NOS1AP: variants seen among roughly 807,000 people sequenced by gnomAD.
NOS1AP encodes the protein nitric oxide synthase 1 adaptor protein, also known as carboxyl-terminal PDZ ligand of neuronal nitric oxide synthase protein.
NOS1AP carries 21 observed loss-of-function variants against 56.2 expected under a neutral mutation model. The ratio of observed to expected loss-of-function variants is 0.37; its 90% CI spans 0.26 to 0.54. NOS1AP has a LOEUF of 0.54. NOS1AP is among the 20% of genes least tolerant of loss of function. The pLI, the probability that NOS1AP is intolerant of heterozygous loss-of-function variation, is 0.84. For synonymous variants in NOS1AP, 270 were observed against 274.6 expected (o/e 0.98, Z 0.17); for missense variants, 522 against 657.8 (o/e 0.79, Z 2.26).
At chr1:162,304,667 G>A (rs150625230) in intron 4 of NOS1AP, among the ~76,000 whole-genome samples, 149 of 152,100 alleles carry the variant, frequency 9.8e-4, no homozygotes, top group Middle Eastern at 6.8e-3. Context: ...TTAGCAACTT[G>A]TGTTTAAAAA....
intron 2 of NOS1AP, among the ~76,000 whole-genome samples, chr1:162,216,760 T>C (rs4531275): frequency 0.58 from 88,319 of 152,094 alleles, 26,453 homozygotes; most frequent in Non-Finnish European, 0.68. Context: ...GACTGTGGAA[T>C]CAGGCAGCCT....
chr1:162,180,583 G>T (rs1477008453), intron 2 of NOS1AP, among the ~76,000 whole-genome samples: 1 of 152,164 alleles, frequency 6.6e-6, no homozygotes, highest in Non-Finnish European at 1.5e-5. Flanking sequence ...TAGCAGCCTG[G>T]AGCGGGACCT....
intron 2 of NOS1AP, among the ~76,000 whole-genome samples, chr1:162,217,159 A>G (rs544905697): frequency 3.6e-4 from 55 of 152,038 alleles, no homozygotes; most frequent in Non-Finnish European, 6.3e-4. Context: ...GCTTAGGCTC[A>G]GGGAAACAAG....
chr1:162,291,465 T>C (rs1231952507), intron 3 of NOS1AP, among the ~76,000 whole-genome samples: 4 of 152,124 alleles, frequency 2.6e-5, no homozygotes, highest in African/African-American at 9.7e-5. Context: ...CCTCTTTTTC[T>C]TCCTGTCAAT....
rs572084373 is a variant in NOS1AP, at chr1:162,310,872, T to A, written c.344+10166T>A. 6.1e-5 allele frequency among the ~76,000 whole-genome samples: 8 copies of A among 131,590 alleles called. No homozygotes were observed. The South Asian group carries it at 1.9e-3, about 31-fold the overall frequency. The allele number at this position is 131,590 out of a possible 152,430, so 86.3% of individuals were successfully genotyped here. The stretch of plus-strand genomic sequence containing the variant: ...AGAATATCTTAGTGTCACTGCCAAC[T>A]GTCTCTCTGTTCGCTGACTCTCTCT... On this transcript the variant is annotated intron_variant, in intron 4 of 9. Transcript: ENST00000361897.
At chr1:162,201,151 A>G (rs1651978246) in intron 2 of NOS1AP, among the ~76,000 whole-genome samples, 1 of 152,148 alleles carries the variant, frequency 6.6e-6, no homozygotes, top group African/African-American at 2.4e-5. Flanking sequence ...AAGTGAGAAC[A>G]TGTGATATTT....
intron 2 of NOS1AP, among the ~76,000 whole-genome samples, chr1:162,263,217 A>T (rs959578411): frequency 6.6e-6 from 1 of 152,236 alleles, no homozygotes; most frequent in Non-Finnish European, 1.5e-5. Flanking sequence ...ACAGAATACT[A>T]TAGACTGGGC....
At chr1:162,190,525 ATATCT>A (rs1399953240) in intron 2 of NOS1AP, among the ~76,000 whole-genome samples, 2 of 152,174 alleles carry the variant, frequency 1.3e-5, no homozygotes, top group African/African-American at 2.4e-5. Flanking sequence ...GTATATAATG[ATATCT>A]TAATACATAG....
chr1:162,141,681 C>T (rs1025108723), intron 1 of NOS1AP, among the ~76,000 whole-genome samples: 2 of 152,198 alleles, frequency 1.3e-5, no homozygotes, highest in East Asian at 3.8e-4. Context: ...TTTCTTTCCA[C>T]CTTTTGGTTA....
intron 2 of NOS1AP, among the ~76,000 whole-genome samples, chr1:162,177,421 G>A (rs926338124): frequency 6.6e-6 from 1 of 152,094 alleles, no homozygotes; most frequent in Non-Finnish European, 1.5e-5. Flanking sequence ...GATCTTTGGG[G>A]TGAGTTGTGG....
intron 2 of NOS1AP, among the ~76,000 whole-genome samples, chr1:162,193,310 G>A (rs963122496): frequency 5.3e-5 from 8 of 152,190 alleles, no homozygotes; most frequent in Non-Finnish European, 1.2e-4. Context: ...CCAGGCTGAA[G>A]TGGAGGTAAG....
chr1:162,314,537 A>C (rs544472278), intron 4 of NOS1AP, among the ~76,000 whole-genome samples: 4 of 152,328 alleles, frequency 2.6e-5, no homozygotes, highest in Admixed American at 2.0e-4. Context: ...TCAATTTAGA[A>C]TTTGTGCAAA....
At chr1:162,310,117 A>T (rs541499522) in intron 4 of NOS1AP, among the ~76,000 whole-genome samples, 91 of 152,228 alleles carry the variant, frequency 6.0e-4, no homozygotes, top group African/African-American at 1.9e-3. Context: ...ACATCTTCAC[A>T]TGCCCCACGC....
intron 1 of NOS1AP, among the ~76,000 whole-genome samples, chr1:162,121,394 C>T (rs1286342164): frequency 6.6e-6 from 1 of 152,020 alleles, no homozygotes; most frequent in Non-Finnish European, 1.5e-5. Flanking sequence ...GCTGGGGTTA[C>T]AGGTGTGAGT....
intron 1 of NOS1AP, among the ~76,000 whole-genome samples, chr1:162,083,266 A>T (rs968441404): frequency 2.0e-5 from 3 of 152,124 alleles, no homozygotes; most frequent in Non-Finnish European, 4.4e-5. Flanking sequence ...GGGAAGAAGC[A>T]CTCGTGTAGA....
chr1:162,168,613 C>CA lies in NOS1AP; in HGVS notation c.177+14138dup, dbSNP rs1650616890. Among the ~76,000 whole-genome samples, 6 of 151,710 alleles carry CA rather than the reference C, an allele frequency of 4.0e-5. No individual in the cohort carries two copies. The South Asian group carries it at 1.3e-3, about 32-fold the overall frequency. On this transcript the variant is annotated intron_variant, in intron 2 of 9. Coordinates refer to ENST00000361897, the MANE Select transcript of NOS1AP (RefSeq NM_014697.3). Reference sequence around the variant, plus strand: ...CACGCGCAATTGATGCACAAGCTGTCATTGTGCTGAGGCTTGTGGGCAGGG... The same window carrying CA: ...CACGCGCAATTGATGCACAAGCTGTCAATTGTGCTGAGGCTTGTGGGCAGGG...
intron 3 of NOS1AP, among the ~76,000 whole-genome samples, chr1:162,299,416 G>A (rs190428933): frequency 1.3e-5 from 2 of 152,312 alleles, no homozygotes; most frequent in African/African-American, 4.8e-5. Flanking sequence ...TAGTCTGGAA[G>A]ACTTGTCTAG....
chr1:162,300,862 G>C (rs1655627650), intron 4 of NOS1AP, among the ~76,000 whole-genome samples, 156 bp downstream of exon 4: 1 of 152,160 alleles, frequency 6.6e-6, no homozygotes, highest in South Asian at 2.1e-4. Context: ...GTGAGTTCAA[G>C]AAGTAAATCT....
intron 2 of NOS1AP, among the ~76,000 whole-genome samples, chr1:162,238,824 A>C (rs1488633223): frequency 1.3e-5 from 2 of 152,240 alleles, no homozygotes; most frequent in Non-Finnish European, 2.9e-5. Flanking sequence ...CAGCATAAAA[A>C]AGTTGGAGGG....
Sources: allele counts gnomAD v4.1 joint callset (sites outside exome capture counted in the v4.1 genomes callset), GRCh38; gene constraint gnomAD v4.1.1; transcripts MANE v1.5; gene names NCBI Gene and HGNC (gene_info 2026-07-23, HGNC 2026-07-21).